The following DPP10 variants were observed in gnomAD, a reference collection of about 807,000 sequenced individuals.
The protein encoded by DPP10 is dipeptidyl peptidase like 10.
Under a neutral mutation model 120.9 loss-of-function variants are expected in DPP10, and 33 were observed. That is an observed-to-expected ratio of 0.27 (90% CI 0.21 to 0.37). DPP10 has a LOEUF of 0.37. DPP10 is among the 10% of genes least tolerant of loss of function. The pLI, the probability that DPP10 is intolerant of heterozygous loss-of-function variation, is 1.00. For synonymous variants in DPP10, 337 were observed against 326.1 expected, an observed-to-expected ratio of 1.03 and a Z score of -0.36; for missense variants, 816 against 942.8, an observed-to-expected ratio of 0.87 and a Z score of 1.76.
intron 1 of DPP10, among the ~76,000 whole-genome samples, chr2:115,074,295 A>G (rs1023864507): frequency 1.3e-5 from 2 of 152,144 alleles, no homozygotes; most frequent in Non-Finnish European, 2.9e-5. Flanking sequence ...AGGTGTAACT[A>G]CCAAAAACGG....
At chr2:115,708,998 G>T (rs1242303352) in intron 7 of DPP10, among the ~76,000 whole-genome samples, 2 of 151,990 alleles carry the variant, frequency 1.3e-5, no homozygotes, top group South Asian at 2.1e-4. Context: ...CAATCTTCAC[G>T]CAAATTCAGC....
At position 115,295,494 on chromosome 2, in the gene DPP10, A is replaced by G. The variant is rs184083131; in HGVS notation, c.61-13745A>G. Among the ~76,000 whole-genome samples the G allele has an allele frequency of 7.6e-4, 115 of 152,222 alleles. 3 individuals carry two copies. In the East Asian group the frequency reaches 0.02, roughly 26 times the overall value. On this transcript the variant is annotated intron_variant, in intron 1 of 25. Coordinates refer to ENST00000410059, the MANE Select transcript of DPP10 (RefSeq NM_020868.6). ...TAGAAATGGCTAATAACCGTCACAG[A>G]GTAGTTGAGAAGTTAAAACACACAC...
intron 1 of DPP10, among the ~76,000 whole-genome samples, chr2:115,110,804 G>A (rs1346839775): frequency 6.6e-6 from 1 of 151,824 alleles, no homozygotes; most frequent in African/African-American, 2.4e-5. Context: ...GCTTTAGATA[G>A]TATCATTTTA....
intron 1 of DPP10, among the ~76,000 whole-genome samples, chr2:115,130,456 T>C (rs1397376709): frequency 6.6e-6 from 1 of 151,312 alleles, no homozygotes; most frequent in Admixed American, 6.6e-5. Context: ...CCAATCGGTA[T>C]TATCCTTCCA....
At chr2:115,183,350 T>C (rs2054211077) in intron 1 of DPP10, among the ~76,000 whole-genome samples, 1 of 152,176 alleles carries the variant, frequency 6.6e-6, no homozygotes, top group Non-Finnish European at 1.5e-5. Flanking sequence ...ACGTGTGCAT[T>C]TTAAGCATTC....
At chr2:115,347,624 C>G (rs976529040) in intron 3 of DPP10, among the ~76,000 whole-genome samples, 1 of 151,968 alleles carries the variant, frequency 6.6e-6, no homozygotes, top group Admixed American at 6.6e-5. Flanking sequence ...TAATGCTATC[C>G]CTCCCCTAGT....
chr2:115,134,889 G>A (rs996024024), intron 1 of DPP10, among the ~76,000 whole-genome samples: 1 of 152,134 alleles, frequency 6.6e-6, no homozygotes, highest in African/African-American at 2.4e-5. Context: ...GATTAAAGAA[G>A]ATTTCTGGGA....
In DPP10 at chr2:115,177,924, C is replaced by T. The variant is rs377531228; in HGVS notation, c.61-131315C>T. Reference sequence around the variant, plus strand: ...GACTACAGGTGCCCGCCACCACGCCCGGCTAACTTTTTGTATTTTTAGTAG... The same window carrying T: ...GACTACAGGTGCCCGCCACCACGCCTGGCTAACTTTTTGTATTTTTAGTAG... On this transcript the variant is annotated intron_variant, in intron 1 of 25. Transcript: ENST00000410059. 2.2e-3 allele frequency among the ~76,000 whole-genome samples: 337 copies of T among 152,064 alleles called. 2 individuals carry two copies. The highest frequency in any genetic ancestry group is 7.7e-3 in the African/African-American group (321 of 41,474).
At chr2:115,147,818 G>A (rs2051315398) in intron 1 of DPP10, among the ~76,000 whole-genome samples, 1 of 152,110 alleles carries the variant, frequency 6.6e-6, no homozygotes, top group Admixed American at 6.6e-5. Flanking sequence ...ACTTGAAAAT[G>A]TTTTTAGGTG....
intron 11 of DPP10, among the ~76,000 whole-genome samples, chr2:115,761,608 A>G (rs1438172089): frequency 2.0e-5 from 3 of 152,090 alleles, no homozygotes; most frequent in Admixed American, 2.0e-4. Context: ...GATATCAAGA[A>G]TGGTTAATGC....
At chr2:115,271,544 C>T (rs1178885461) in intron 1 of DPP10, among the ~76,000 whole-genome samples, 1 of 151,976 alleles carries the variant, frequency 6.6e-6, no homozygotes, top group Admixed American at 6.6e-5. Context: ...TTCAAACTTA[C>T]ACAGAAAGAA....
At chr2:115,329,439 T>G (rs1252914601) in intron 2 of DPP10, among the ~76,000 whole-genome samples, 2 of 152,008 alleles carry the variant, frequency 1.3e-5, no homozygotes, top group African/African-American at 2.4e-5. Context: ...GTTCTTGCTT[T>G]CTTTATTTTT....
At chr2:114,554,970 G>A (rs974199859) in intron 1 of DPP10, among the ~76,000 whole-genome samples, 1 of 152,184 alleles carries the variant, frequency 6.6e-6, no homozygotes, top group Non-Finnish European at 1.5e-5. Context: ...CGGGCTGCTG[G>A]TCCCAGCCAG....
At chr2:115,300,440 C>T (rs2061075425) in intron 1 of DPP10, among the ~76,000 whole-genome samples, 1 of 152,050 alleles carries the variant, frequency 6.6e-6, no homozygotes, top group Non-Finnish European at 1.5e-5. Flanking sequence ...CTCATACATA[C>T]ACACACAGGC....
At chr2:115,836,875 CAG>C (rs1182445104) in intron 24 of DPP10, 129 bp downstream of exon 24, 7 of 738,126 alleles carry the variant, frequency 9.5e-6, no homozygotes, top group Non-Finnish European at 1.5e-5. Context: ...CACAAAGAAT[CAG>C]ATACATGATA....
At chr2:115,662,313 G>T (rs2089055695) in intron 5 of DPP10, among the ~76,000 whole-genome samples, 1 of 152,138 alleles carries the variant, frequency 6.6e-6, no homozygotes, top group Non-Finnish European at 1.5e-5. Context: ...AGTGAATAAT[G>T]CTGAAATGAA....
At chr2:115,096,571 A>T (rs1449216032) in intron 1 of DPP10, among the ~76,000 whole-genome samples, 1 of 152,110 alleles carries the variant, frequency 6.6e-6, no homozygotes, top group Non-Finnish European at 1.5e-5. Flanking sequence ...ATACATATAC[A>T]CACAGATGCT....
At chr2:115,337,725 G>C (rs1376911215) in intron 2 of DPP10, among the ~76,000 whole-genome samples, 4 of 139,868 alleles carry the variant, frequency 2.9e-5, no homozygotes, top group Admixed American at 7.1e-5. Flanking sequence ...GCTATTAAAA[G>C]AGAAGCTTAA....
intron 3 of DPP10, among the ~76,000 whole-genome samples, chr2:115,459,102 G>C (rs1028088145): frequency 2.6e-5 from 4 of 151,806 alleles, no homozygotes; most frequent in Admixed American, 6.6e-5. Context: ...TTGGTGATTT[G>C]GGTGGACTTA....
Sources: allele counts gnomAD v4.1 joint callset (sites outside exome capture counted in the v4.1 genomes callset), GRCh38; gene constraint gnomAD v4.1.1; transcripts MANE v1.5; gene names NCBI Gene and HGNC (gene_info 2026-07-23, HGNC 2026-07-21).